RALGAPA2: variants seen among roughly 807,000 people sequenced by gnomAD.
RALGAPA2 encodes Ral GTPase activating protein catalytic subunit alpha 2, also known as ral GTPase-activating protein subunit alpha-2.
RALGAPA2 carries 139 observed loss-of-function variants against 230.4 expected under a neutral mutation model. The observed-to-expected ratio is 0.60, with a 90% CI of 0.53 to 0.69. RALGAPA2 has a LOEUF of 0.69. Among genes scored for constraint, RALGAPA2 ranks in the 30% least tolerant of loss-of-function variants. RALGAPA2 has a pLI of 0.00. For synonymous variants in RALGAPA2, 847 were observed against 837.8 expected (o/e 1.01, Z -0.19); for missense variants, 2,163 against 2,276.0 (o/e 0.95, Z 1.01).
Position 20,395,144 on chromosome 20 carries a change from T to G in RALGAPA2, c.*35+1551A>C, listed in dbSNP as rs566227075. Among the ~76,000 whole-genome samples, 51 of 152,330 alleles carry G rather than the reference T, an allele frequency of 3.3e-4. No homozygotes were observed. The East Asian group carries it at 6.2e-3, about 19-fold the overall frequency. On this transcript the variant is annotated intron_variant, in intron 39 of 39. Transcript: ENST00000202677. Reference sequence around the variant, plus strand: ...GAAGCTCTGCAGAGAAGGGGGCCTGTGCACCTGAAAGCAGGGATCCCATGG... The same window carrying G: ...GAAGCTCTGCAGAGAAGGGGGCCTGGGCACCTGAAAGCAGGGATCCCATGG...
chr20:20,445,990 T>C (rs1398077915), intron 37 of RALGAPA2, among the ~76,000 whole-genome samples: 4 of 152,054 alleles, frequency 2.6e-5, no homozygotes, highest in Non-Finnish European at 5.9e-5. Flanking sequence ...ACAAACATAG[T>C]CCATTTTCTT....
intron 12 of RALGAPA2, 111 bp from the exon 13 acceptor site, chr20:20,616,302 T>C: frequency 1.1e-6 from 1 of 947,016 alleles, no homozygotes; most frequent in South Asian, 2.2e-5. Context: ...TTTCAGTTAT[T>C]TCCAAAAGAT....
intron 37 of RALGAPA2, among the ~76,000 whole-genome samples, chr20:20,466,658 C>T (rs1457072795): frequency 6.6e-6 from 1 of 152,190 alleles, no homozygotes; most frequent in African/African-American, 2.4e-5. Context: ...GGCCGTAGTT[C>T]CTGTGACTGG....
intron 23 of RALGAPA2, among the ~76,000 whole-genome samples, chr20:20,567,857 TAATAAAATAAAATAA>T (rs10525989): frequency 0.048 from 6,045 of 125,446 alleles, 172 homozygotes; most frequent in South Asian, 0.061. Context: ...AAAAAAGCAA[TAATAAAATAAAATAA>T]AATAAAATAA....
chr20:20,520,918 C>G lies in RALGAPA2; in HGVS notation c.4083G>C (p.Glu1361Asp). The change falls in exon 31 of 40, where the codon GAG becomes GAC. Residue 1361 changes from glutamate (E) to aspartate (D), a missense_variant and splice_region_variant. Glu to Asp is a conservative substitution (Grantham distance 45). Transcript: ENST00000202677. ...TTTCATACCTGAAAGAATACTCACCCTCTTCAACAGTCAGCAGGTTACCCA... is the reference window on the plus strand; with the variant it reads ...TTTCATACCTGAAAGAATACTCACCGTCTTCAACAGTCAGCAGGTTACCCA... ...AELGNLLTVE[E>D]EKKRRSLELI... 1 of 1,599,668 alleles carries G rather than the reference C, an allele frequency of 6.3e-7. No homozygotes were observed. The highest frequency in any genetic ancestry group is 8.6e-7 in the Non-Finnish European group (1 of 1,169,376).
intron 17 of RALGAPA2, among the ~76,000 whole-genome samples, chr20:20,589,576 G>A (rs2065227320): frequency 6.6e-6 from 1 of 152,026 alleles, no homozygotes; most frequent in South Asian, 2.1e-4. Context: ...TGAAGAGAGT[G>A]GATTGATTAC....
intron 23 of RALGAPA2, among the ~76,000 whole-genome samples, chr20:20,562,475 T>C (rs1487916300): frequency 6.6e-6 from 1 of 152,268 alleles, no homozygotes; most frequent in Non-Finnish European, 1.5e-5. Context: ...ACTATTTTTA[T>C]GCTTTATTTC....
At chr20:20,452,719 T>C (rs544800965) in intron 37 of RALGAPA2, among the ~76,000 whole-genome samples, 2 of 152,374 alleles carry the variant, frequency 1.3e-5, no homozygotes, top group South Asian at 2.1e-4. Flanking sequence ...GAGTAGAATC[T>C]GCTCGTTCAT....
Position 20,639,913 on chromosome 20 carries a change from A to C in RALGAPA2, c.551-13T>G. 6.4e-7 allele frequency: 1 copy of C among 1,570,476 alleles called. No homozygotes were observed. The highest frequency in any genetic ancestry group is 2.2e-5 in the East Asian group (1 of 44,648). ...GGATATATCTTTACTGAAAGGACAG[A>C]AAATGATGACAGCTCATTCACCAAA... On this transcript the variant is annotated splice_polypyrimidine_tract_variant and intron_variant, in intron 6 of 39. Coordinates refer to ENST00000202677, the MANE Select transcript of RALGAPA2 (RefSeq NM_020343.4).
intron 23 of RALGAPA2, among the ~76,000 whole-genome samples, chr20:20,565,058 T>C (rs1032672671): frequency 4.4e-4 from 67 of 152,322 alleles, no homozygotes; most frequent in Middle Eastern, 3.4e-3. Flanking sequence ...AATTCACAAA[T>C]AAGTACTTTA....
intron 3 of RALGAPA2, among the ~76,000 whole-genome samples, chr20:20,668,405 AAAAAG>A (rs145886240): frequency 3.9e-5 from 6 of 152,182 alleles, no homozygotes; most frequent in South Asian, 2.1e-4. Flanking sequence ...TGTGTCTCAA[AAAAAG>A]AAAAGAAAAG....
chr20:20,564,250 C>A (rs2064344732), intron 23 of RALGAPA2, among the ~76,000 whole-genome samples: 1 of 152,206 alleles, frequency 6.6e-6, no homozygotes, highest in African/African-American at 2.4e-5. Flanking sequence ...TGTTCCTGAA[C>A]ACAGCCTGAA....
intron 34 of RALGAPA2, among the ~76,000 whole-genome samples, chr20:20,504,765 T>A (rs1427385317): frequency 6.6e-6 from 1 of 152,018 alleles, no homozygotes; most frequent in Non-Finnish European, 1.5e-5. Flanking sequence ...GTAAATTATT[T>A]TAGATATGTT....
At chr20:20,544,672 A>T (rs1348400177) in intron 24 of RALGAPA2, among the ~76,000 whole-genome samples, 1 of 152,194 alleles carries the variant, frequency 6.6e-6, no homozygotes, top group African/African-American at 2.4e-5. Context: ...TATATATACC[A>T]TGGAATACTG....
rs2068487938 is a variant in RALGAPA2, at chr20:20,680,685, G to A, written c.217+6C>T. The A allele has an allele frequency of 1.3e-6, 2 of 1,535,930 alleles. No individual in the cohort carries two copies. Among genetic ancestry groups the A allele is most frequent in the Non-Finnish European group, 1.7e-6 (2 of 1,147,958 alleles). On this transcript the variant is annotated splice_donor_region_variant and intron_variant, in intron 2 of 39. Transcript: ENST00000202677. ...TTTTTTAAAAAAAAACTACTGAAAT[G>A]CTTACCTTTTAATTTCAAACTATTT...
chr20:20,403,038 C>G (rs76479960), intron 38 of RALGAPA2, among the ~76,000 whole-genome samples: 1 of 152,158 alleles, frequency 6.6e-6, no homozygotes, highest in Non-Finnish European at 1.5e-5. Context: ...ATTTCTCACA[C>G]GCCGCCTTTT....
chr20:20,681,241 A>G (rs1374456349), intron 1 of RALGAPA2, among the ~76,000 whole-genome samples: 1 of 152,174 alleles, frequency 6.6e-6, no homozygotes, highest in Non-Finnish European at 1.5e-5. Context: ...TAAATGGACC[A>G]ATCTCTGCTC....
Position 20,605,092 on chromosome 20 carries a change from C to T in RALGAPA2, c.2038+83G>A, listed in dbSNP as rs1021350827. Reference sequence around the variant, plus strand: ...GTTGGTTCAGTTCATTATAAAATTTCGCGCATTAATTGCTTAGTCATACAA... The same window carrying T: ...GTTGGTTCAGTTCATTATAAAATTTTGCGCATTAATTGCTTAGTCATACAA... On this transcript the variant is annotated intron_variant, in intron 15 of 39. Coordinates refer to ENST00000202677, the MANE Select transcript of RALGAPA2 (RefSeq NM_020343.4). 5.1e-5 allele frequency: 59 copies of T among 1,147,682 alleles called. No individual in the cohort carries two copies. The East Asian group carries it at 7.2e-4, about 14-fold the overall frequency. 71.1% of individuals were successfully genotyped at this position (1,147,682 alleles called of 1,614,324 possible).
chr20:20,516,017 A>C (rs2062860025), intron 31 of RALGAPA2, among the ~76,000 whole-genome samples: 1 of 152,158 alleles, frequency 6.6e-6, no homozygotes, highest in African/African-American at 2.4e-5. Flanking sequence ...TGAGGGAGTG[A>C]GACCGGCCTT....
Sources: allele counts gnomAD v4.1 joint callset (sites outside exome capture counted in the v4.1 genomes callset), GRCh38; gene constraint gnomAD v4.1.1; transcripts MANE v1.5; gene names NCBI Gene and HGNC (gene_info 2026-07-23, HGNC 2026-07-21).